Variants in IL17RD observed in about 807,000 individuals in gnomAD.
The protein encoded by IL17RD is interleukin-17 receptor D.
IL17RD carries 52 observed loss-of-function variants against 80.5 expected under a neutral mutation model. That is an observed-to-expected ratio of 0.65 (90% CI 0.52 to 0.81). The LOEUF is 0.81. Among genes scored for constraint, IL17RD ranks in the 40% least tolerant of loss-of-function variants. The probability of loss-of-function intolerance (pLI) is 0.00; values close to 1 mark genes in which losing one functional copy is unlikely to be tolerated. For synonymous variants in IL17RD, 416 were observed against 391.8 expected (o/e 1.06, Z -0.73); for missense variants, 1,024 against 955.1 (o/e 1.07, Z -0.95).
rs80108338 is a variant in IL17RD, at chr3:57,160,935, A to G, written c.126+4226T>C. Among the ~76,000 whole-genome samples, 181 of 152,284 alleles carry G rather than the reference A, an allele frequency of 1.2e-3. 5 individuals carry two copies. The East Asian group carries it at 0.021, about 18-fold the overall frequency. ...AAGGCCCAGGGTGTCACTTGGAGAA[A>G]AAGTTAACTGCTGGTCTCCTGGTCA... On this transcript the variant is annotated intron_variant, in intron 1 of 12. Coordinates refer to ENST00000296318, the MANE Select transcript of IL17RD (RefSeq NM_017563.5).
chr3:57,104,759 A>G (rs1706913381), intron 7 of IL17RD, among the ~76,000 whole-genome samples: 1 of 152,234 alleles, frequency 6.6e-6, no homozygotes, highest in Non-Finnish European at 1.5e-5. Context: ...TTTATTTGCC[A>G]TAATTTTAAC....
intron 1 of IL17RD, among the ~76,000 whole-genome samples, chr3:57,151,069 C>A (rs902199613): frequency 6.6e-6 from 1 of 152,228 alleles, no homozygotes; most frequent in Non-Finnish European, 1.5e-5. Flanking sequence ...GGAGAGAATG[C>A]CTGCTTAATC....
chr3:57,161,603 G>A (rs1285768112), intron 1 of IL17RD, among the ~76,000 whole-genome samples: 2 of 152,166 alleles, frequency 1.3e-5, no homozygotes, highest in Non-Finnish European at 2.9e-5. Context: ...CCCCATTTAG[G>A]TAAGGAGGCA....
chr3:57,163,803 A>AGGGGGGGGGGGGGGGGGGGGGGGGGGG (rs1401715931), intron 1 of IL17RD, among the ~76,000 whole-genome samples: 1 of 5,524 alleles, frequency 1.8e-4, no homozygotes, highest in African/African-American at 7.7e-4. Flanking sequence ...CGGGGGGGGA[A>AGGGGGGGGGGGGGGGGGGGGGGGGGGG]GGGGGTGGCG....
chr3:57,148,309 A>T (rs183912599), intron 1 of IL17RD, among the ~76,000 whole-genome samples: 209 of 149,256 alleles, frequency 1.4e-3, no homozygotes, highest in African/African-American at 5.0e-3. Flanking sequence ...TGGGCAACAG[A>T]GCGAGACTCT....
rs1002059328 is a variant in IL17RD at position 57,092,784 on chromosome 3, A to G, written c.*3609T>C. 2.6e-5 allele frequency: 4 copies of G among 152,166 alleles called. No homozygotes were observed. The highest frequency in any genetic ancestry group is 4.4e-5 in the Non-Finnish European group (3 of 68,030). The allele number at this position is 152,166 out of a possible 1,614,324, so 9.4% of individuals were successfully genotyped here. A position where few individuals can be genotyped will look rare whatever the true frequency, so the allele number is the denominator to read the frequency against. On this transcript the variant is annotated 3_prime_UTR_variant, in exon 13 of 13. Coordinates refer to ENST00000296318, the MANE Select transcript of IL17RD (RefSeq NM_017563.5). ...GACTGGAGAAAGAAGCAATCTAACTACTGGCTGCATTTAGCAAGAGCATTT... is the reference window on the plus strand; with the variant it reads ...GACTGGAGAAAGAAGCAATCTAACTGCTGGCTGCATTTAGCAAGAGCATTT...
At position 57,142,469 on chromosome 3, in the gene IL17RD, A is replaced by G. The variant is rs1237656281; in HGVS notation, c.127-22156T>C. On this transcript the variant is annotated intron_variant, in intron 1 of 12. Coordinates refer to ENST00000296318, the MANE Select transcript of IL17RD (RefSeq NM_017563.5). ...CCCACTAACCTGCTCTCCACTGACA[A>G]ACAACGCAGGAACACCTGAGGCAGA... 15 of 1,282,308 alleles carry G rather than the reference A, an allele frequency of 1.2e-5. No individual in the cohort carries two copies. The Admixed American group carries it at 2.5e-4, about 22-fold the overall frequency. 79.4% of individuals were successfully genotyped at this position (1,282,308 alleles called of 1,614,324 possible). A position where few individuals can be genotyped will look rare whatever the true frequency, so the allele number is the denominator to read the frequency against.
intron 7 of IL17RD, 25 bp from the exon 8 acceptor site, chr3:57,104,432 A>G (rs1370153852): frequency 3.2e-6 from 5 of 1,542,290 alleles, no homozygotes; most frequent in South Asian, 2.3e-5. Context: ...AGAACACTTT[A>G]AAAACTCACT....
rs1706615411 is a variant in IL17RD, at chr3:57,094,046, C to T, written c.*2347G>A. The T allele has an allele frequency of 6.6e-6, 1 of 152,154 alleles. No individual in the cohort carries two copies. The highest frequency in any genetic ancestry group is 2.4e-5 in the African/African-American group (1 of 41,438). 9.4% of individuals were successfully genotyped at this position (152,154 alleles called of 1,614,324 possible). On this transcript the variant is annotated 3_prime_UTR_variant, in exon 13 of 13. Transcript: ENST00000296318. ...TCATCCTGTTTTCCATTTCTTGTTT[C>T]CATAATATCTAAAAGCCTGTGACTT...
chr3:57,139,515 CTT>C (rs10717205), intron 1 of IL17RD, among the ~76,000 whole-genome samples: 5,466 of 134,632 alleles, frequency 0.041, 95 homozygotes, highest in African/African-American at 0.052. Context: ...TGAAAATTTC[CTT>C]TTTTTTTTTT....
intron 10 of IL17RD, among the ~76,000 whole-genome samples, chr3:57,102,255 G>A (rs916621273): frequency 1.3e-5 from 2 of 152,184 alleles, no homozygotes. Context: ...GGGCAACAGA[G>A]CGAGACCCTG....
At chr3:57,103,982 C>T (rs928589274) in intron 8 of IL17RD, among the ~76,000 whole-genome samples, 6 of 152,074 alleles carry the variant, frequency 3.9e-5, no homozygotes, top group Non-Finnish European at 7.4e-5. Flanking sequence ...GCAACAGAAA[C>T]TTAGAGAAGT....
intron 1 of IL17RD, among the ~76,000 whole-genome samples, chr3:57,141,064 T>A (rs1341720319): frequency 6.6e-6 from 1 of 152,000 alleles, no homozygotes; most frequent in African/African-American, 2.4e-5. Context: ...CCTGGCTAAT[T>A]TTTAAAAGTT....
chr3:57,122,739 T>C (rs1365143504), intron 1 of IL17RD, among the ~76,000 whole-genome samples: 1 of 88,172 alleles, frequency 1.1e-5, no homozygotes, highest in African/African-American at 5.4e-5. Flanking sequence ...TCCTCAACTG[T>C]CTTTTTTTTT....
rs772580436 is a variant in IL17RD, at chr3:57,106,087, T to G, written c.595+23A>C. 13 of 1,610,926 alleles carry G rather than the reference T, an allele frequency of 8.1e-6. No individual in the cohort carries two copies. The East Asian group carries it at 2.9e-4, about 36-fold the overall frequency. On this transcript the variant is annotated intron_variant, in intron 6 of 12. Transcript: ENST00000296318. ...ATAGTGGCGATACTTTGAGACTTGA[T>G]AGATAAGAACACTATTACTTACAGG...
At position 57,114,749 on chromosome 3, in the gene IL17RD, G is replaced by A. The variant is rs368941582; in HGVS notation, c.253C>T (p.Gln85Ter). 3.7e-6 allele frequency: 6 copies of A among 1,612,434 alleles called. No individual in the cohort carries two copies. The African/African-American group carries it at 8.0e-5, about 22-fold the overall frequency. ...IADAQNITIS[Q>*]YACHDQVAVT... ...GCCACTTGGTCATGGCAAGCATACTGGCTGATGGTGATATTCTGGGCGTCA... is the reference window on the plus strand; with the variant it reads ...GCCACTTGGTCATGGCAAGCATACTAGCTGATGGTGATATTCTGGGCGTCA... Residue 85 changes from glutamine (Q) to a stop codon, truncating the protein, a stop_gained, in exon 3 of 13, where the codon CAG becomes TAG. Coordinates refer to ENST00000296318, the MANE Select transcript of IL17RD (RefSeq NM_017563.5). LOFTEE classifies it high-confidence loss of function.
At chr3:57,163,224 G>A (rs1171959043) in intron 1 of IL17RD, among the ~76,000 whole-genome samples, 1 of 152,184 alleles carries the variant, frequency 6.6e-6, no homozygotes, top group African/African-American at 2.4e-5. Flanking sequence ...TCCAGGAGGC[G>A]AATGAGGATG....
At chr3:57,103,328 CA>C in intron 8 of IL17RD, among the ~76,000 whole-genome samples, 183 bp from the exon 9 acceptor site, 2 of 152,292 alleles carry the variant, frequency 1.3e-5, no homozygotes, top group Middle Eastern at 3.4e-3. Flanking sequence ...CATGTGTACT[CA>C]GGTTCATCTC....
chr3:57,124,495 C>G (rs557453875), intron 1 of IL17RD, among the ~76,000 whole-genome samples: 24 of 142,712 alleles, frequency 1.7e-4, no homozygotes, highest in African/African-American at 6.2e-4. Context: ...AAAGAGAGAT[C>G]GATTTTAAGT....
Sources: gnomAD v4.1 joint callset for allele counts (sites outside exome capture counted in the v4.1 genomes callset) on GRCh38, gnomAD v4.1.1 for gene constraint, MANE v1.5 for transcripts, NCBI Gene and HGNC (gene_info 2026-07-23, HGNC 2026-07-21) for gene names.